Variants in NRG3 observed in about 807,000 individuals in gnomAD.
NRG3 encodes pro-neuregulin-3, membrane-bound isoform.
Under a neutral mutation model 66.9 loss-of-function variants are expected in NRG3, and 31 were observed. The observed-to-expected ratio is 0.46, with a 90% CI of 0.35 to 0.63. The LOEUF (loss-of-function observed/expected upper bound fraction) is 0.63, where lower values mean the gene tolerates loss of function less well. NRG3 is among the 20% of genes least tolerant of loss of function. NRG3 has a pLI of 0.00. For synonymous variants in NRG3, 393 were observed against 359.4 expected, an observed-to-expected ratio of 1.09 and a Z score of -1.06; for missense variants, 910 against 878.9, an observed-to-expected ratio of 1.04 and a Z score of -0.45.
intron 2 of NRG3, among the ~76,000 whole-genome samples, chr10:82,395,586 G>A (rs2086662069): frequency 6.6e-6 from 1 of 152,046 alleles, no homozygotes; most frequent in South Asian, 2.1e-4. Flanking sequence ...AGACAATATG[G>A]CATTATATAT....
chr10:82,753,345 GTGATT>G (rs541247588), intron 3 of NRG3, among the ~76,000 whole-genome samples: 77 of 151,740 alleles, frequency 5.1e-4, no homozygotes, highest in South Asian at 3.1e-3. Flanking sequence ...TCAGTTATTG[GTGATT>G]TTCTTATTGA....
chr10:82,584,538 C>T (rs1246685930), intron 2 of NRG3, among the ~76,000 whole-genome samples: 1 of 152,154 alleles, frequency 6.6e-6, no homozygotes, highest in Non-Finnish European at 1.5e-5. Context: ...ATGAGTAAAA[C>T]CTTACTTTGA....
intron 4 of NRG3, among the ~76,000 whole-genome samples, chr10:82,936,331 C>A (rs1848062677): frequency 1.3e-5 from 2 of 151,864 alleles, no homozygotes; most frequent in African/African-American, 4.8e-5. Flanking sequence ...AAACTGAAGA[C>A]ATTATTAAGT....
intron 1 of NRG3, among the ~76,000 whole-genome samples, chr10:82,151,984 C>T (rs955323238): frequency 8.5e-5 from 13 of 152,130 alleles, no homozygotes; most frequent in Non-Finnish European, 1.2e-4. Flanking sequence ...ATATAAAATA[C>T]GTTAGCATAA....
At chr10:82,698,437 C>T (rs1393150361) in intron 2 of NRG3, among the ~76,000 whole-genome samples, 1 of 152,154 alleles carries the variant, frequency 6.6e-6, no homozygotes, top group Non-Finnish European at 1.5e-5. Context: ...TTTAAATAAT[C>T]CAAAAGATTA....
At chr10:82,941,204 A>T (rs1470540324) in intron 4 of NRG3, among the ~76,000 whole-genome samples, 1 of 151,944 alleles carries the variant, frequency 6.6e-6, no homozygotes, top group African/African-American at 2.4e-5. Context: ...TATTCTTATT[A>T]TATGCCCACC....
intron 2 of NRG3, among the ~76,000 whole-genome samples, chr10:82,485,788 A>G (rs1438241773): frequency 2.7e-5 from 1 of 37,498 alleles, no homozygotes; most frequent in Non-Finnish European, 7.8e-5. Flanking sequence ...AAGTACAGGC[A>G]GCAAAAGCAA....
intron 1 of NRG3, among the ~76,000 whole-genome samples, chr10:81,952,400 TGAGA>T (rs1193681678): frequency 1.3e-5 from 2 of 151,140 alleles, no homozygotes; most frequent in East Asian, 2.0e-4. Context: ...TGTGTGCGTG[TGAGA>T]GAGAGGGAGG....
chr10:82,548,308 C>T (rs546089855), intron 2 of NRG3, among the ~76,000 whole-genome samples: 5 of 151,944 alleles, frequency 3.3e-5, no homozygotes, highest in Non-Finnish European at 7.4e-5. Flanking sequence ...AGGGAACTTT[C>T]CTTGACTAAT....
chr10:82,243,111 A>G (rs993422562), intron 1 of NRG3, among the ~76,000 whole-genome samples: 1 of 152,188 alleles, frequency 6.6e-6, no homozygotes, highest in Non-Finnish European at 1.5e-5. Flanking sequence ...GAGCTTCACA[A>G]ATTTCCTTCA....
chr10:81,926,199 C>T lies in NRG3; in HGVS notation c.823+50036C>T, dbSNP rs187628276. ...GTGGCACAATCTCGGCTCACTGCAA[C>T]CTCTGCCTCCTGGGTTCAAGTGAAT... On this transcript the variant is annotated intron_variant, in intron 1 of 8. Coordinates refer to ENST00000372141, the MANE Select transcript of NRG3 (RefSeq NM_001010848.4). Among the ~76,000 whole-genome samples, 1,462 of 152,210 alleles carry T rather than the reference C, an allele frequency of 9.6e-3. 24 individuals are homozygous for T. Among genetic ancestry groups the T allele is most frequent in the Admixed American group, 0.034 (523 of 15,284 alleles).
intron 2 of NRG3, among the ~76,000 whole-genome samples, chr10:82,555,968 CA>C (rs758009748): frequency 7.2e-5 from 11 of 152,148 alleles, no homozygotes; most frequent in Non-Finnish European, 1.3e-4. Flanking sequence ...CTTCATTCTT[CA>C]ACCATTGCAA....
At chr10:81,934,667 T>C (rs148389125) in intron 1 of NRG3, among the ~76,000 whole-genome samples, 1 of 152,192 alleles carries the variant, frequency 6.6e-6, no homozygotes, top group African/African-American at 2.4e-5. Context: ...AAGAGTAAAA[T>C]TTTAAGTAAA....
chr10:82,685,128 T>G (rs2054414102), intron 2 of NRG3, among the ~76,000 whole-genome samples: 1 of 147,824 alleles, frequency 6.8e-6, no homozygotes, highest in Non-Finnish European at 1.5e-5. Context: ...GATGGCCGAA[T>G]AGACAGAGGC....
At chr10:82,227,561 T>C (rs1057253684) in intron 1 of NRG3, among the ~76,000 whole-genome samples, 1 of 152,142 alleles carries the variant, frequency 6.6e-6, no homozygotes, top group Non-Finnish European at 1.5e-5. Context: ...TTTGAGGTGG[T>C]ACACTGATGA....
intron 1 of NRG3, among the ~76,000 whole-genome samples, chr10:81,980,142 A>G (rs982481682): frequency 6.6e-6 from 1 of 152,122 alleles, no homozygotes; most frequent in African/African-American, 2.4e-5. Context: ...TCCTTCCCAA[A>G]TCTTTAATTG....
chr10:82,393,850 C>A (rs1589968218), intron 2 of NRG3, among the ~76,000 whole-genome samples: 1 of 152,168 alleles, frequency 6.6e-6, no homozygotes, highest in Non-Finnish European at 1.5e-5. Context: ...CCTGCTGGTA[C>A]CTGTGCACTC....
chr10:82,315,856 G>A (rs143712249), intron 1 of NRG3, among the ~76,000 whole-genome samples: 2,965 of 152,092 alleles, frequency 0.019, 99 homozygotes, highest in African/African-American at 0.069. Context: ...AGTAGAGACA[G>A]GGTTTCACCA....
intron 2 of NRG3, among the ~76,000 whole-genome samples, chr10:82,661,789 C>T (rs754741877): frequency 8.5e-5 from 13 of 152,100 alleles, no homozygotes; most frequent in Non-Finnish European, 1.3e-4. Flanking sequence ...GGTTGCTATC[C>T]AACACAAAAC....
Sources: gnomAD v4.1 joint callset for allele counts (sites outside exome capture counted in the v4.1 genomes callset) on GRCh38, gnomAD v4.1.1 for gene constraint, MANE v1.5 for transcripts, NCBI Gene and HGNC (gene_info 2026-07-23, HGNC 2026-07-21) for gene names.